Variants in JARID2 observed in about 807,000 individuals in gnomAD.
JARID2 encodes the protein protein Jumonji.
JARID2 carries 21 observed loss-of-function variants against 125.6 expected under a neutral mutation model. That is an observed-to-expected ratio of 0.17 (90% CI 0.12 to 0.24). JARID2 has a LOEUF of 0.24. Ranked by LOEUF, JARID2 falls within the 10% of genes least tolerant of loss-of-function variation. JARID2 has a pLI of 1.00. For synonymous variants in JARID2, 736 were observed against 661.6 expected, an observed-to-expected ratio of 1.11 and a Z score of -1.73; for missense variants, 1,303 against 1,639.6, an observed-to-expected ratio of 0.79 and a Z score of 3.55.
intron 6 of JARID2, among the ~76,000 whole-genome samples, chr6:15,491,383 T>C (rs1770142849): frequency 6.6e-6 from 1 of 152,260 alleles, no homozygotes; most frequent in Non-Finnish European, 1.5e-5. Context: ...GGTCAGTGTT[T>C]GAGCAGGCTG....
chr6:15,334,963 G>A (rs1452532443), intron 1 of JARID2, among the ~76,000 whole-genome samples: 1 of 152,102 alleles, frequency 6.6e-6, no homozygotes, highest in Non-Finnish European at 1.5e-5. Flanking sequence ...TCATGATGCA[G>A]ATTATTAAAC....
At chr6:15,509,195 C>A (rs765881573) in intron 12 of JARID2, 4 of 1,246,826 alleles carry the variant, frequency 3.2e-6, no homozygotes, top group African/African-American at 1.6e-5. Context: ...CATCCCTGAT[C>A]GAGGCTGGAC....
At chr6:15,419,744 C>T (rs1364220484) in intron 3 of JARID2, among the ~76,000 whole-genome samples, 4 of 152,162 alleles carry the variant, frequency 2.6e-5, no homozygotes, top group African/African-American at 9.7e-5. Context: ...GATGAGAATC[C>T]TGTTGTTATT....
intron 16 of JARID2, among the ~76,000 whole-genome samples, chr6:15,515,593 C>G (rs1771508013): frequency 6.6e-6 from 1 of 152,018 alleles, no homozygotes; most frequent in South Asian, 2.1e-4. Context: ...CGAGACCAGC[C>G]TGGGTGACAG....
At chr6:15,267,341 A>G (rs375805676) in intron 1 of JARID2, among the ~76,000 whole-genome samples, 2 of 152,198 alleles carry the variant, frequency 1.3e-5, no homozygotes, top group South Asian at 2.1e-4. Flanking sequence ...AGATAGCTCA[A>G]AGATCTGCTT....
chr6:15,439,657 G>T (rs1021783009), intron 3 of JARID2, among the ~76,000 whole-genome samples: 5 of 152,180 alleles, frequency 3.3e-5, no homozygotes, highest in African/African-American at 1.2e-4. Context: ...CAGCTTGGGT[G>T]TTTTTATCTT....
chr6:15,291,135 T>A (rs1056416398), intron 1 of JARID2, among the ~76,000 whole-genome samples: 1 of 152,118 alleles, frequency 6.6e-6, no homozygotes, highest in Admixed American at 6.6e-5. Context: ...ACTCAGGACG[T>A]TGCGGTGGGA....
chr6:15,441,295 A>G (rs1027875977), intron 3 of JARID2, among the ~76,000 whole-genome samples: 1 of 152,206 alleles, frequency 6.6e-6, no homozygotes, highest in Non-Finnish European at 1.5e-5. Context: ...TGATAGACCT[A>G]CTTTCTGTAA....
intron 7 of JARID2, among the ~76,000 whole-genome samples, chr6:15,498,331 A>G (rs991632833): frequency 6.6e-6 from 1 of 152,124 alleles, no homozygotes; most frequent in African/African-American, 2.4e-5. Context: ...TAGTGAATGC[A>G]TATCTGGGCT....
intron 2 of JARID2, among the ~76,000 whole-genome samples, chr6:15,379,644 C>G (rs1037159429): frequency 2.6e-5 from 4 of 152,192 alleles, no homozygotes; most frequent in African/African-American, 9.6e-5. Context: ...AAACTTACCC[C>G]GGGCAGTAGT....
At chr6:15,427,229 A>G (rs1188125367) in intron 3 of JARID2, among the ~76,000 whole-genome samples, 1 of 152,164 alleles carries the variant, frequency 6.6e-6, no homozygotes. Context: ...TTGTAGTGTG[A>G]TGGAAGGAAT....
intron 1 of JARID2, among the ~76,000 whole-genome samples, chr6:15,283,172 G>GA (rs1339345926): frequency 1.4e-5 from 2 of 147,718 alleles, no homozygotes; most frequent in Non-Finnish European, 3.0e-5. Context: ...TAGAGACGGG[G>GA]TTTCACCGTG....
intron 1 of JARID2, among the ~76,000 whole-genome samples, chr6:15,280,179 C>T (rs1760696666): frequency 6.6e-6 from 1 of 152,098 alleles, no homozygotes; most frequent in Non-Finnish European, 1.5e-5. Flanking sequence ...TGCTGTTGCT[C>T]CTGCTGCAGC....
At chr6:15,483,720 G>T (rs1769733098) in intron 5 of JARID2, among the ~76,000 whole-genome samples, 1 of 152,094 alleles carries the variant, frequency 6.6e-6, no homozygotes, top group Non-Finnish European at 1.5e-5. Flanking sequence ...ATATTTGTGT[G>T]CAAGTTTTTA....
At chr6:15,441,701 A>G (rs768648092) in intron 3 of JARID2, among the ~76,000 whole-genome samples, 5 of 151,416 alleles carry the variant, frequency 3.3e-5, no homozygotes, top group Non-Finnish European at 7.4e-5. Flanking sequence ...CTACCGCACA[A>G]CTCCATCTGG....
In JARID2 at chr6:15,496,556, T is replaced by C. The variant is rs1207923027; in HGVS notation, c.1331T>C (p.Leu444Pro). Reference sequence around the variant, plus strand: ...GGGCTGCGGAACTCCAAGAGGAGACTGGAAGAGGCACACCAGGCGGAGAAG... The same window carrying C: ...GGGCTGCGGAACTCCAAGAGGAGACCGGAAGAGGCACACCAGGCGGAGAAG... Reference protein sequence around the residue: ...REGLRNSKRRLEEAHQAEKPQ... With the variant: ...REGLRNSKRRPEEAHQAEKPQ... Residue 444 changes from leucine (L) to proline (P), a missense_variant, in exon 7 of 18, where the codon CTG becomes CCG. Around this residue, in one of 11 missense-constraint regions of JARID2, gnomAD observed 651 missense variants for 581.6 expected, o/e 1.12. Coordinates refer to ENST00000341776, the MANE Select transcript of JARID2 (RefSeq NM_004973.4). 3.1e-6 allele frequency: 5 copies of C among 1,606,516 alleles called. No individual in the cohort carries two copies. Among genetic ancestry groups the C allele is most frequent in the Non-Finnish European group, 4.2e-6 (5 of 1,177,710 alleles).
At chr6:15,456,677 A>G (rs555175104) in intron 4 of JARID2, among the ~76,000 whole-genome samples, 1 of 152,086 alleles carries the variant, frequency 6.6e-6, no homozygotes, top group African/African-American at 2.4e-5. Flanking sequence ...TAGCTTCATG[A>G]CCCTGAAAAT....
intron 2 of JARID2, among the ~76,000 whole-genome samples, chr6:15,389,783 G>A (rs961069509): frequency 3.9e-5 from 6 of 152,152 alleles, no homozygotes; most frequent in African/African-American, 2.4e-5. Context: ...CTGTGGAAAC[G>A]TGTCATTATC....
rs78594513 is a variant in JARID2, at chr6:15,392,461, G to T, written c.182-17763G>T. On this transcript the variant is annotated intron_variant, in intron 2 of 17. Transcript: ENST00000341776. ...CCGACTTGCCCTGTTTATGGGGGAGGTGGTGAGGAGGGGGTTCTAAGCTTG... is the reference window on the plus strand; with the variant it reads ...CCGACTTGCCCTGTTTATGGGGGAGTTGGTGAGGAGGGGGTTCTAAGCTTG... 7.5e-3 allele frequency among the ~76,000 whole-genome samples: 1,136 copies of T among 152,184 alleles called. 15 individuals are homozygous for T. The highest frequency in any genetic ancestry group is 0.026 in the African/African-American group (1,077 of 41,520).
Sources: allele counts gnomAD v4.1 joint callset (sites outside exome capture counted in the v4.1 genomes callset), GRCh38; gene constraint gnomAD v4.1.1; regional missense constraint gnomAD v4.1.1; transcripts MANE v1.5; gene names NCBI Gene and HGNC (gene_info 2026-07-23, HGNC 2026-07-21).